DENND4A: variants seen among roughly 807,000 people sequenced by gnomAD.
The protein encoded by DENND4A is DENN domain containing 4A, also known as C-myc promoter-binding protein.
DENND4A carries 70 observed loss-of-function variants against 199.3 expected under a neutral mutation model. The ratio of observed to expected loss-of-function variants is 0.35; its 90% CI spans 0.29 to 0.43. DENND4A has a LOEUF of 0.43. Among genes scored for constraint, DENND4A ranks in the 20% least tolerant of loss-of-function variants. DENND4A has a pLI of 1.00. For synonymous variants in DENND4A, 686 were observed against 766.9 expected, an observed-to-expected ratio of 0.89 and a Z score of 1.74; for missense variants, 1,723 against 2,255.8, an observed-to-expected ratio of 0.76 and a Z score of 4.78.
chr15:65,754,767 G>C (rs1225843147), intron 3 of DENND4A, among the ~76,000 whole-genome samples: 1 of 152,194 alleles, frequency 6.6e-6, no homozygotes, highest in Non-Finnish European at 1.5e-5. Context: ...ATGAAATGCT[G>C]ACTAGGACAT....
At chr15:65,785,731 G>A (rs8035725) in intron 1 of DENND4A, among the ~76,000 whole-genome samples, 31,915 of 151,724 alleles carry the variant, frequency 0.21, 3,803 homozygotes, top group African/African-American at 0.32. Flanking sequence ...ACTTCCTCAT[G>A]GTCTCAGAAA....
rs1377902806 is a variant in DENND4A, at chr15:65,702,347, C to T, written c.2388G>A (p.Val796=). The part of the protein sequence containing the change: ...KVRALKTAYD[V]LKKMQSKKMD... ...TCTTCTTTGACTGCATTTTTTTAAG[C>T]ACATCATATGCTGTTTTCAGAGCCC... Residue 796 remains valine (V), a synonymous_variant, in exon 17 of 33, where the codon GTG becomes GTA. Transcript: ENST00000443035. The T allele has an allele frequency of 6.4e-7, 1 of 1,552,678 alleles. No homozygotes were observed. The highest frequency in any genetic ancestry group is 1.2e-5 in the South Asian group (1 of 84,074).
intron 4 of DENND4A, 64 bp downstream of exon 4, chr15:65,752,315 A>AG: frequency 4.2e-6 from 1 of 239,252 alleles, no homozygotes; most frequent in Non-Finnish European, 7.5e-6. Flanking sequence ...AAAAAAAAAG[A>AG]TGTATTTAAA....
At chr15:65,750,508 G>T (rs2076532734) in intron 4 of DENND4A, among the ~76,000 whole-genome samples, 2 of 151,632 alleles carry the variant, frequency 1.3e-5, no homozygotes, top group Non-Finnish European at 2.9e-5. Flanking sequence ...AAAGAAAAAG[G>T]AAATACAAAA....
At chr15:65,748,029 T>C (rs1204260386) in intron 4 of DENND4A, among the ~76,000 whole-genome samples, 4 of 101,062 alleles carry the variant, frequency 4.0e-5, no homozygotes, top group African/African-American at 1.3e-4. Flanking sequence ...GACAGAGCGA[T>C]ACTCCGTCTC....
At chr15:65,714,713 T>A (rs1174680255) in intron 14 of DENND4A, among the ~76,000 whole-genome samples, 3 of 152,204 alleles carry the variant, frequency 2.0e-5, no homozygotes, top group African/African-American at 7.2e-5. Context: ...CACCTTTGTA[T>A]GAATGCTCTT....
intron 15 of DENND4A, 141 bp from the exon 16 acceptor site, chr15:65,703,149 T>C: frequency 1.4e-6 from 1 of 704,244 alleles, no homozygotes; most frequent in Non-Finnish European, 2.2e-6. Flanking sequence ...GGCTGTGATA[T>C]ACACTCAACA....
chr15:65,722,272 C>T (rs1237846216), intron 12 of DENND4A, among the ~76,000 whole-genome samples: 2 of 152,082 alleles, frequency 1.3e-5, no homozygotes, highest in Non-Finnish European at 2.9e-5. Flanking sequence ...TGCTTGAGCC[C>T]AGGACAACAT....
chr15:65,744,749 T>C (rs2076345222), intron 4 of DENND4A, among the ~76,000 whole-genome samples: 1 of 152,242 alleles, frequency 6.6e-6, no homozygotes, highest in Non-Finnish European at 1.5e-5. Context: ...TTTGTATCTA[T>C]TTTGAATGTA....
chr15:65,779,871 C>G (rs767399448), intron 1 of DENND4A, among the ~76,000 whole-genome samples: 5 of 151,992 alleles, frequency 3.3e-5, no homozygotes, highest in African/African-American at 9.7e-5. Flanking sequence ...GCTGGGATTA[C>G]AGGCGTGAGC....
At chr15:65,669,046 G>A (rs2076136024) in intron 27 of DENND4A, among the ~76,000 whole-genome samples, 1 of 152,130 alleles carries the variant, frequency 6.6e-6, no homozygotes, top group Non-Finnish European at 1.5e-5. Flanking sequence ...AGAAAGCAGA[G>A]AAAAAAGGCA....
intron 23 of DENND4A, among the ~76,000 whole-genome samples, chr15:65,677,569 T>A (rs1048658484): frequency 1.3e-5 from 2 of 152,180 alleles, no homozygotes; most frequent in African/African-American, 4.8e-5. Flanking sequence ...AAGGTCTGTA[T>A]CTTGCTAATG....
At chr15:65,771,371 T>C in intron 1 of DENND4A, 1 of 1,585,796 alleles carries the variant, frequency 6.3e-7, no homozygotes, top group Middle Eastern at 2.3e-4. Flanking sequence ...TTCTGCCTTT[T>C]GTAATAACAT....
At chr15:65,703,966 CAT>C (rs889136172) in intron 15 of DENND4A, among the ~76,000 whole-genome samples, 3 of 152,150 alleles carry the variant, frequency 2.0e-5, no homozygotes, top group Non-Finnish European at 2.9e-5. Context: ...CTTAAAAGCA[CAT>C]AGTTTTAATT....
Position 65,702,319 on chromosome 15 carries a change from C to G in DENND4A, c.2416G>C (p.Asp806His). The G allele has an allele frequency of 6.4e-7, 1 of 1,551,636 alleles. No individual in the cohort carries two copies. Among genetic ancestry groups the G allele is most frequent in the Non-Finnish European group, 8.7e-7 (1 of 1,146,756 alleles). ...VLKKMQSKKM[D>H]PPDEVCYRIL... ...ATAATTGTTACCTCATCAGGTGGAT[C>G]CATCTTCTTTGACTGCATTTTTTTA... Residue 806 changes from aspartate (D) to histidine (H), a missense_variant, in exon 17 of 33, where the codon GAT becomes CAT. Transcript: ENST00000443035.
intron 1 of DENND4A, among the ~76,000 whole-genome samples, chr15:65,770,172 G>A (rs761669242): frequency 7.2e-5 from 11 of 152,120 alleles, no homozygotes; most frequent in Non-Finnish European, 1.5e-4. Context: ...TACATGTTTA[G>A]GAGTTGGCAT....
At chr15:65,701,520 T>C (rs547148303) in intron 18 of DENND4A, among the ~76,000 whole-genome samples, 7 of 152,260 alleles carry the variant, frequency 4.6e-5, no homozygotes, top group African/African-American at 1.4e-4. Context: ...TGAACCATGA[T>C]TGTGCCACTG....
chr15:65,727,496 AC>A (rs201899055), intron 11 of DENND4A, among the ~76,000 whole-genome samples: 3,224 of 150,590 alleles, frequency 0.021, 55 homozygotes, highest in Non-Finnish European at 0.03. Context: ...GCATGGTGGT[AC>A]ACACCTGTAG....
chr15:65,758,598 C>A (rs2076774389), intron 2 of DENND4A, among the ~76,000 whole-genome samples: 2 of 152,172 alleles, frequency 1.3e-5, no homozygotes, highest in African/African-American at 2.4e-5. Context: ...AGGTGTGAGC[C>A]ACCATACCCA....
Sources: gnomAD v4.1 joint callset for allele counts (sites outside exome capture counted in the v4.1 genomes callset) on GRCh38, gnomAD v4.1.1 for gene constraint, MANE v1.5 for transcripts, NCBI Gene and HGNC (gene_info 2026-07-23, HGNC 2026-07-21) for gene names.